Variants in CSTPP1 observed in about 807,000 individuals in gnomAD.
CSTPP1 encodes the protein UPF0705 protein C11orf49.
At chr11:46,948,731 T>C in the CSTPP1 span, among the ~76,000 whole-genome samples, 3 of 152,202 alleles carry the variant, frequency 2.0e-5, no homozygotes. Context: ...AATTTAGCCC[T>C]TGGGCACCTA....
the CSTPP1 span, chr11:47,137,403 C>T: frequency 5.2e-4 from 777 of 1,503,688 alleles, 5 homozygotes; most frequent in Middle Eastern, 2.4e-3. Context: ...ATTTTCATAC[C>T]AGTGAAGCTC....
the CSTPP1 span, among the ~76,000 whole-genome samples, chr11:46,951,059 G>C: frequency 6.6e-6 from 1 of 152,114 alleles, no homozygotes; most frequent in Non-Finnish European, 1.5e-5. Context: ...ACTTTTCTTT[G>C]AGGAAACTGG....
the CSTPP1 span, among the ~76,000 whole-genome samples, chr11:47,027,535 G>T: frequency 6.6e-6 from 1 of 152,026 alleles, no homozygotes; most frequent in Non-Finnish European, 1.5e-5. Flanking sequence ...TATGGATTTG[G>T]GTAACAGAAA....
the CSTPP1 span, among the ~76,000 whole-genome samples, chr11:46,989,772 G>C: frequency 7.2e-5 from 11 of 152,118 alleles, no homozygotes; most frequent in African/African-American, 2.2e-4. Context: ...GTACCCAATA[G>C]GTAGTTTTTG....
chr11:46,982,683 A>AAT, the CSTPP1 span, among the ~76,000 whole-genome samples: 303 of 152,298 alleles, frequency 2.0e-3, 1 homozygote, highest in African/African-American at 5.0e-3. Context: ...ACAAGTTTAA[A>AAT]GGTCATACCT....
chr11:47,095,549 A>G, the CSTPP1 span, among the ~76,000 whole-genome samples: 4 of 152,174 alleles, frequency 2.6e-5, no homozygotes, highest in Non-Finnish European at 5.9e-5. Context: ...AATTGAAGGA[A>G]AATCTCTACC....
chr11:47,119,715 A>G, the CSTPP1 span, among the ~76,000 whole-genome samples: 2 of 146,464 alleles, frequency 1.4e-5, no homozygotes, highest in African/African-American at 5.1e-5. Context: ...GGGTTCAAGC[A>G]ATTCTCCTGC....
chr11:46,945,189 AAGTT>A, the CSTPP1 span, among the ~76,000 whole-genome samples: 1 of 152,174 alleles, frequency 6.6e-6, no homozygotes, highest in African/African-American at 2.4e-5. Flanking sequence ...TGTTTACAGT[AAGTT>A]AGCAGAAATT....
the CSTPP1 span, among the ~76,000 whole-genome samples, chr11:47,076,158 G>A: frequency 1.3e-5 from 2 of 152,104 alleles, no homozygotes; most frequent in African/African-American, 2.4e-5. Flanking sequence ...GACACAGAGC[G>A]TAGGTGAGAT....
chr11:47,135,643 T>C, the CSTPP1 span, among the ~76,000 whole-genome samples: 2 of 152,200 alleles, frequency 1.3e-5, no homozygotes, highest in Non-Finnish European at 1.5e-5. Flanking sequence ...AGAATAATAA[T>C]AACAACTAAT....
At chr11:46,956,471 C>T in the CSTPP1 span, among the ~76,000 whole-genome samples, 1 of 152,106 alleles carries the variant, frequency 6.6e-6, no homozygotes, top group Non-Finnish European at 1.5e-5. Flanking sequence ...TAGTGAAGTC[C>T]TACAAAGCCC....
chr11:47,044,095 TC>T, the CSTPP1 span, among the ~76,000 whole-genome samples: 1 of 152,020 alleles, frequency 6.6e-6, no homozygotes, highest in African/African-American at 2.4e-5. Context: ...CAACCAATTC[TC>T]CTGCCTCAGC....
At chr11:47,157,687 A>C in the CSTPP1 span, 1 of 646,672 alleles carries the variant, frequency 1.5e-6, no homozygotes. Flanking sequence ...CTGATCCCCC[A>C]GGGCCTTGGG....
At chr11:47,032,599 G>A in the CSTPP1 span, among the ~76,000 whole-genome samples, 10 of 151,960 alleles carry the variant, frequency 6.6e-5, no homozygotes, top group Non-Finnish European at 1.0e-4. Flanking sequence ...TCATGTCACA[G>A]CCAAGTCCAA....
chr11:47,067,386 GC>G, the CSTPP1 span, among the ~76,000 whole-genome samples: 2 of 152,112 alleles, frequency 1.3e-5, no homozygotes, highest in Non-Finnish European at 2.9e-5. Flanking sequence ...TGACTCAAAG[GC>G]TAGTATGACT....
At chr11:47,017,523 A>G in the CSTPP1 span, among the ~76,000 whole-genome samples, 3 of 152,082 alleles carry the variant, frequency 2.0e-5, no homozygotes, top group East Asian at 5.8e-4. Context: ...TTTCATCACC[A>G]CAAAAAACTC....
the CSTPP1 span, among the ~76,000 whole-genome samples, chr11:47,024,755 G>A: frequency 6.6e-6 from 1 of 151,648 alleles, no homozygotes; most frequent in African/African-American, 2.4e-5. Flanking sequence ...ACTATCCCAG[G>A]ATCTTCAAAA....
At chr11:46,959,762 C>G in the CSTPP1 span, among the ~76,000 whole-genome samples, 1 of 151,984 alleles carries the variant, frequency 6.6e-6, no homozygotes, top group African/African-American at 2.4e-5. Flanking sequence ...AAATTTTTAA[C>G]ATTTCTTATC....
At chr11:46,955,368 TG>T in the CSTPP1 span, among the ~76,000 whole-genome samples, 1 of 151,524 alleles carries the variant, frequency 6.6e-6, no homozygotes, top group African/African-American at 2.4e-5. Flanking sequence ...GTTGTTTTTT[TG>T]TTTTTTTTTT....
Sources: allele counts gnomAD v4.1 joint callset (sites outside exome capture counted in the v4.1 genomes callset), GRCh38; gene constraint gnomAD v4.1.1; transcripts MANE v1.5; gene names NCBI Gene and HGNC (gene_info 2026-07-23, HGNC 2026-07-21).